SLC12A8: variants seen among roughly 807,000 people sequenced by gnomAD.
The protein encoded by SLC12A8 is cation-chloride cotransporter 9.
Under a neutral mutation model 75.6 loss-of-function variants are expected in SLC12A8, and 69 were observed. That is an observed-to-expected ratio of 0.91 (90% CI 0.75 to 1.11). SLC12A8 has a LOEUF of 1.11. Ranked by LOEUF, SLC12A8 falls within the 50% of genes most tolerant of loss-of-function variation. SLC12A8 has a pLI of 0.00. For missense variants in SLC12A8, 877 were observed against 896.7 expected (o/e 0.98, Z 0.28); for synonymous variants, 365 against 372.8 (o/e 0.98, Z 0.24).
In SLC12A8 at chr3:125,144,705, A is replaced by G. The variant is rs147817723; in HGVS notation, c.623-8923T>C. On this transcript the variant is annotated intron_variant, in intron 5 of 13. Transcript: ENST00000469902. The stretch of plus-strand genomic sequence containing the variant: ...AACTCCTGACCCCTGACACCCCCAA[A>G]ATAATCCTAACTCAACTCATGGCCC... Among the ~76,000 whole-genome samples the G allele has an allele frequency of 5.6e-3, 853 of 152,050 alleles. 5 individuals carry two copies. Among genetic ancestry groups the G allele is most frequent in the African/African-American group, 0.02 (814 of 41,456 alleles).
At chr3:125,144,449 G>T (rs1933723577) in intron 5 of SLC12A8, among the ~76,000 whole-genome samples, 1 of 152,140 alleles carries the variant, frequency 6.6e-6, no homozygotes, top group Non-Finnish European at 1.5e-5. Context: ...GGTCCAGAGG[G>T]ACCTGGCCCC....
chr3:125,095,980 C>T (rs1228724176), intron 10 of SLC12A8, among the ~76,000 whole-genome samples: 2 of 152,228 alleles, frequency 1.3e-5, no homozygotes, highest in African/African-American at 2.4e-5. Flanking sequence ...ACTTTCAGCG[C>T]CTTCCATCAC....
rs192360423 is a variant in SLC12A8 at position 125,104,950 on chromosome 3, C to T, written c.1705+2531G>A. On this transcript the variant is annotated intron_variant, in intron 10 of 13. Transcript: ENST00000469902. Reference sequence around the variant, plus strand: ...TGGGTCACTCAGGACCATGGAGCTGCCATGGCAGCCATGGACTGCCCACCT... The same window carrying T: ...TGGGTCACTCAGGACCATGGAGCTGTCATGGCAGCCATGGACTGCCCACCT... Among the ~76,000 whole-genome samples, 18 of 152,224 alleles carry T rather than the reference C, an allele frequency of 1.2e-4. No homozygotes were observed. In the East Asian group the frequency reaches 1.4e-3, roughly 11 times the overall value.
chr3:125,208,752 ACAC>A (rs1935274456), intron 2 of SLC12A8, among the ~76,000 whole-genome samples: 1 of 62,146 alleles, frequency 1.6e-5, no homozygotes, highest in Non-Finnish European at 2.9e-5. Context: ...CAATCTACAC[ACAC>A]ACACACACAC....
intron 7 of SLC12A8, chr3:125,119,089 A>G (rs941574341): frequency 5.2e-6 from 2 of 383,488 alleles, no homozygotes; most frequent in East Asian, 4.8e-5. Context: ...TTACTTTTAA[A>G]TATATATAAA....
intron 5 of SLC12A8, among the ~76,000 whole-genome samples, chr3:125,137,052 G>A (rs1266335522): frequency 6.6e-6 from 1 of 152,058 alleles, no homozygotes; most frequent in Non-Finnish European, 1.5e-5. Context: ...TCACTCCATA[G>A]CCAACCCTAG....
rs187185729 is a variant in SLC12A8 at position 125,118,729 on chromosome 3, C to T, written c.912+40G>A. On this transcript the variant is annotated intron_variant, in intron 8 of 13. Coordinates refer to ENST00000469902, the MANE Select transcript of SLC12A8 (RefSeq NM_024628.6). ...GTTGGTGAGAACAAATAAATGACTC[C>T]GGCAGACTGAGCCCTTGGAGTAGCG... 188 of 1,489,788 alleles carry T rather than the reference C, an allele frequency of 1.3e-4. No homozygotes were observed. In the African/African-American group the frequency reaches 1.9e-3, roughly 15 times the overall value. The allele number at this position is 1,489,788 out of a possible 1,614,324, so 92.3% of individuals were successfully genotyped here. A position where few individuals can be genotyped will look rare whatever the true frequency, so the allele number is the denominator to read the frequency against.
chr3:125,083,841 T>C lies in SLC12A8; in HGVS notation c.*49A>G. ...GCTCCACGAAGGTCCTGAGCTTGGG[T>C]CCACTGTACATGGGACAGCTCCAAA... On this transcript the variant is annotated 3_prime_UTR_variant, in exon 14 of 14. Transcript: ENST00000469902. 1 of 1,568,768 alleles carries C rather than the reference T, an allele frequency of 6.4e-7. No individual in the cohort carries two copies. The highest frequency in any genetic ancestry group is 8.7e-7 in the Non-Finnish European group (1 of 1,153,514).
At chr3:125,103,596 C>T (rs1938941092) in intron 10 of SLC12A8, among the ~76,000 whole-genome samples, 1 of 152,044 alleles carries the variant, frequency 6.6e-6, no homozygotes, top group South Asian at 2.1e-4. Context: ...TCCTGAGTAG[C>T]TGGAACTACA....
At chr3:125,114,274 C>CT (rs1939254193) in intron 8 of SLC12A8, among the ~76,000 whole-genome samples, 1 of 152,158 alleles carries the variant, frequency 6.6e-6, no homozygotes, top group Non-Finnish European at 1.5e-5. Flanking sequence ...GAGTGGCCCA[C>CT]TAGGCTCACT....
intron 10 of SLC12A8, among the ~76,000 whole-genome samples, chr3:125,100,294 A>G (rs1228284183): frequency 6.6e-6 from 1 of 152,218 alleles, no homozygotes; most frequent in Non-Finnish European, 1.5e-5. Flanking sequence ...CAGGAAAGAA[A>G]GAATGAATCA....
In SLC12A8 at chr3:125,092,094, T is replaced by A; in HGVS notation, c.1803+7A>T. ...AGAACAACTGAGATCAAGATGAAGT[T>A]ACTCACCCCCAACAGGGAGACCCAG... On this transcript the variant is annotated splice_region_variant and intron_variant, in intron 11 of 13. Coordinates refer to ENST00000469902, the MANE Select transcript of SLC12A8 (RefSeq NM_024628.6). The A allele has an allele frequency of 1.3e-6, 2 of 1,595,398 alleles. No homozygotes were observed. The highest frequency in any genetic ancestry group is 1.7e-6 in the Non-Finnish European group (2 of 1,163,686).
chr3:125,192,050 G>C (rs1934918725), intron 2 of SLC12A8, among the ~76,000 whole-genome samples: 1 of 152,122 alleles, frequency 6.6e-6, no homozygotes. Flanking sequence ...GAATGCAGGA[G>C]TGTTTCCCAG....
intron 11 of SLC12A8, 149 bp downstream of exon 11, chr3:125,091,952 T>G (rs1938590831): frequency 1.4e-5 from 8 of 565,132 alleles, no homozygotes; most frequent in Non-Finnish European, 2.2e-5. Context: ...TCTTGCCATA[T>G]GTAGTCTCAT....
At chr3:125,163,904 G>A (rs1934232521) in intron 5 of SLC12A8, among the ~76,000 whole-genome samples, 1 of 152,230 alleles carries the variant, frequency 6.6e-6, no homozygotes, top group South Asian at 2.1e-4. Context: ...GGCTGAGCTG[G>A]GAGCGCCCCT....
chr3:125,188,262 C>T (rs546596102), intron 3 of SLC12A8, among the ~76,000 whole-genome samples: 2 of 152,276 alleles, frequency 1.3e-5, no homozygotes, highest in South Asian at 4.1e-4. Flanking sequence ...TTCACCTTCC[C>T]CCATGAGTGA....
At chr3:125,131,910 T>C (rs942317890) in intron 6 of SLC12A8, among the ~76,000 whole-genome samples, 2 of 152,132 alleles carry the variant, frequency 1.3e-5, no homozygotes, top group African/African-American at 4.8e-5. Context: ...GCCAACTCCC[T>C]GGCAGTACTG....
rs368721266 is a variant in SLC12A8 at position 125,177,951 on chromosome 3, G to A, written c.414C>T (p.Ile138=). ...FGQCVAGAMY[I]TGFAESISDL... Reference sequence around the variant, plus strand: ...CCGAGATGGATTCAGCAAAGCCGGTGATATACATGGCACCTGCAACACACT... The same window carrying A: ...CCGAGATGGATTCAGCAAAGCCGGTAATATACATGGCACCTGCAACACACT... Residue 138 remains isoleucine, a synonymous_variant, in exon 5 of 14, where the codon ATC becomes ATT. Transcript: ENST00000469902. 3.7e-6 allele frequency: 6 copies of A among 1,613,362 alleles called. No individual in the cohort carries two copies. The African/African-American group carries it at 8.0e-5, about 22-fold the overall frequency.
intron 5 of SLC12A8, among the ~76,000 whole-genome samples, chr3:125,145,707 A>G (rs1249981519): frequency 6.6e-6 from 1 of 152,274 alleles, no homozygotes; most frequent in African/African-American, 2.4e-5. Context: ...ATCAAGTTTA[A>G]CTTATAAATT....
Sources: allele counts gnomAD v4.1 joint callset (sites outside exome capture counted in the v4.1 genomes callset), GRCh38; gene constraint gnomAD v4.1.1; transcripts MANE v1.5; gene names NCBI Gene and HGNC (gene_info 2026-07-23, HGNC 2026-07-21).